Variants in CDKL4 observed in about 807,000 individuals in gnomAD.
The protein encoded by CDKL4 is cyclin dependent kinase like 4, also known as cyclin-dependent kinase-like 4.
Under a neutral mutation model 42.0 loss-of-function variants are expected in CDKL4, and 44 were observed. That is an observed-to-expected ratio of 1.05 (90% CI 0.82 to 1.35). The LOEUF is 1.35. CDKL4 is among the 40% of genes most tolerant of loss of function. The probability of loss-of-function intolerance (pLI) is 0.00; values close to 1 mark genes in which losing one functional copy is unlikely to be tolerated. For missense variants in CDKL4, 393 were observed against 369.9 expected (o/e 1.06, Z -0.51); for synonymous variants, 120 against 121.6 (o/e 0.99, Z 0.09).
intron 2 of CDKL4, among the ~76,000 whole-genome samples, chr2:39,227,509 C>T (rs947733122): frequency 2.6e-5 from 4 of 152,038 alleles, no homozygotes; most frequent in African/African-American, 9.7e-5. Flanking sequence ...AGGAGGATCG[C>T]GTGAACCTAG....
At chr2:39,186,109 T>C (rs750946688) in intron 7 of CDKL4, among the ~76,000 whole-genome samples, 7 of 152,214 alleles carry the variant, frequency 4.6e-5, no homozygotes, top group Admixed American at 1.3e-4. Context: ...ACACTTAAGT[T>C]TGTTGTAGTT....
At chr2:39,203,888 AT>A (rs1275065402) in intron 5 of CDKL4, among the ~76,000 whole-genome samples, 2 of 152,274 alleles carry the variant, frequency 1.3e-5, no homozygotes, top group East Asian at 3.9e-4. Flanking sequence ...TTCCAAATGC[AT>A]TGCCAAATCA....
chr2:39,174,358 C>T (rs1249925824), downstream of CDKL4, among the ~76,000 whole-genome samples: 1 of 151,198 alleles, frequency 6.6e-6, no homozygotes, highest in Non-Finnish European at 1.5e-5. Context: ...TGTGATTGCA[C>T]CACTGCACTC....
intron 2 of CDKL4, among the ~76,000 whole-genome samples, chr2:39,226,545 T>G (rs1237600017): frequency 6.7e-5 from 10 of 150,122 alleles, no homozygotes; most frequent in African/African-American, 2.0e-4. Context: ...AGATATTTTG[T>G]GTGTTAAATT....
chr2:39,204,206 A>C (rs1415765596), intron 5 of CDKL4, among the ~76,000 whole-genome samples: 2 of 152,176 alleles, frequency 1.3e-5, no homozygotes, highest in Non-Finnish European at 2.9e-5. Flanking sequence ...TCACTTTAGT[A>C]CTTTATTGCC....
intron 1 of CDKL4, among the ~76,000 whole-genome samples, chr2:39,236,678 G>A (rs532769345): frequency 1.3e-5 from 2 of 152,172 alleles, no homozygotes; most frequent in South Asian, 4.1e-4. Flanking sequence ...GCTCTAGCTA[G>A]AGTAGGCAAG....
intron 4 of CDKL4, 58 bp from the exon 5 acceptor site, chr2:39,204,675 T>A: frequency 2.2e-6 from 2 of 911,106 alleles, no homozygotes; most frequent in Non-Finnish European, 3.5e-6. Flanking sequence ...AGAATAAACA[T>A]TAACTACTAG....
At chr2:39,185,217 C>CAT (rs10637439) in intron 7 of CDKL4, among the ~76,000 whole-genome samples, 170 of 3,944 alleles carry the variant, frequency 0.043, 51 homozygotes, top group African/African-American at 0.074. Flanking sequence ...CGTATATATA[C>CAT]ATATATACAC....
Position 39,239,137 on chromosome 2 carries a change from C to T in CDKL4, c.-57+4734G>A, listed in dbSNP as rs1295491978. Among the ~76,000 whole-genome samples the T allele has an allele frequency of 4.6e-5, 7 of 152,224 alleles. No homozygotes were observed. The South Asian group carries it at 1.5e-3, about 32-fold the overall frequency. On this transcript the variant is annotated intron_variant, in intron 1 of 9. Transcript: ENST00000451199. ...AAATGATACTAGGACCATTGGATAT[C>T]CATATGCAAAACAAACAACAAACAC...
chr2:39,170,070 C>T, the CDKL4 span, among the ~76,000 whole-genome samples: 1 of 152,040 alleles, frequency 6.6e-6, no homozygotes, highest in African/African-American at 2.4e-5. Context: ...TGACATGTTG[C>T]CCAGGCTAGT....
intron 7 of CDKL4, among the ~76,000 whole-genome samples, chr2:39,185,775 T>A (rs1002654121): frequency 1.3e-5 from 2 of 152,074 alleles, no homozygotes; most frequent in African/African-American, 2.4e-5. Flanking sequence ...ATATATTTTT[T>A]AAATCACTCT....
chr2:39,217,202 T>G (rs1043839087), intron 3 of CDKL4, among the ~76,000 whole-genome samples: 3 of 152,188 alleles, frequency 2.0e-5, no homozygotes, highest in African/African-American at 4.8e-5. Flanking sequence ...AGTGTTTAAA[T>G]ATTATATTTT....
At position 39,190,468 on chromosome 2, in the gene CDKL4, C is replaced by T. The variant is rs530063234; in HGVS notation, c.489G>A (p.Thr163=). The T allele has an allele frequency of 1.5e-5, 25 of 1,614,066 alleles. No individual in the cohort carries two copies. The South Asian group carries it at 2.0e-4, about 13-fold the overall frequency. ...GAAGTTCAGGAGCTCGGTACCATCTCGTAGCTACATAATCGGTGTAGGCAT... is the reference window on the plus strand; with the variant it reads ...GAAGTTCAGGAGCTCGGTACCATCTTGTAGCTACATAATCGGTGTAGGCAT... The change falls in exon 6 of 10, where the codon ACG becomes ACA. Residue 163 remains threonine (T), a synonymous_variant. Coordinates refer to ENST00000451199, the Ensembl canonical transcript of CDKL4.
the CDKL4 span, among the ~76,000 whole-genome samples, chr2:39,168,391 G>A: frequency 6.6e-6 from 1 of 152,146 alleles, no homozygotes; most frequent in East Asian, 1.9e-4. Context: ...TATGCCTGTT[G>A]AGTAGGATTA....
At position 39,199,302 on chromosome 2, in the gene CDKL4, C is replaced by A. The variant is rs191319508; in HGVS notation, c.454+5225G>T. ...TAGATTAAACCAGGAAGAAATAGAACCTCTGAACAGACCAATAAGAAGCAG... is the reference window on the plus strand; with the variant it reads ...TAGATTAAACCAGGAAGAAATAGAAACTCTGAACAGACCAATAAGAAGCAG... On this transcript the variant is annotated intron_variant, in intron 5 of 9. Coordinates refer to ENST00000451199, the Ensembl canonical transcript of CDKL4. Among the ~76,000 whole-genome samples, 399 of 152,018 alleles carry A rather than the reference C, an allele frequency of 2.6e-3. 2 individuals are homozygous for A. The highest frequency in any genetic ancestry group is 4.0e-3 in the Non-Finnish European group (272 of 67,888).
chr2:39,175,863 CA>C (rs1252759226), exon 10 of CDKL4: 1 of 349,084 alleles, frequency 2.9e-6, no homozygotes, highest in Admixed American at 4.2e-5. Flanking sequence ...CAGCAATGAT[CA>C]GAGCAAAACA....
the CDKL4 span, among the ~76,000 whole-genome samples, chr2:39,168,100 T>A: frequency 6.6e-6 from 1 of 152,100 alleles, no homozygotes; most frequent in Non-Finnish European, 1.5e-5. Context: ...GCTAAATTTT[T>A]AAAAACCATA....
chr2:39,235,536 G>A (rs991660106), intron 1 of CDKL4, among the ~76,000 whole-genome samples: 1 of 152,124 alleles, frequency 6.6e-6, no homozygotes, highest in Non-Finnish European at 1.5e-5. Context: ...ATTGAGCTCA[G>A]GAGTTCAAGA....
chr2:39,183,448 G>C (rs1403040833), intron 8 of CDKL4, among the ~76,000 whole-genome samples: 2 of 152,158 alleles, frequency 1.3e-5, no homozygotes, highest in African/African-American at 4.8e-5. Context: ...AACAAACCTA[G>C]ATTCATCTAA....
Sources: gnomAD v4.1 joint callset for allele counts (sites outside exome capture counted in the v4.1 genomes callset) on GRCh38, gnomAD v4.1.1 for gene constraint, MANE v1.5 for transcripts, NCBI Gene and HGNC (gene_info 2026-07-23, HGNC 2026-07-21) for gene names.